The following ZBTB10 variants were observed in gnomAD, a reference collection of about 807,000 sequenced individuals.
ZBTB10 encodes zinc finger and BTB domain containing 10.
A neutral mutation model predicts 76.4 loss-of-function variants in ZBTB10; 32 were observed. The observed-to-expected ratio is 0.42, with a 90% CI of 0.32 to 0.56. The LOEUF (loss-of-function observed/expected upper bound fraction) is 0.56, where lower values mean the gene tolerates loss of function less well. Among genes scored for constraint, ZBTB10 ranks in the 20% least tolerant of loss-of-function variants. ZBTB10 has a pLI of 0.14. For synonymous variants in ZBTB10, 523 were observed against 432.9 expected (o/e 1.21, Z -2.58); for missense variants, 1,057 against 1,098.5 (o/e 0.96, Z 0.53).
At position 80,524,751 on chromosome 8, in the gene ZBTB10, G is replaced by C. The variant is rs1816517068; in HGVS notation, c.*5223G>C. The C allele has an allele frequency of 6.6e-6, 1 of 151,994 alleles. No individual in the cohort carries two copies. Among genetic ancestry groups the C allele is most frequent in the African/African-American group, 2.4e-5 (1 of 41,404 alleles). The allele number at this position is 151,994 out of a possible 1,614,324, so 9.4% of individuals were successfully genotyped here. A position where few individuals can be genotyped will look rare whatever the true frequency, so the allele number is the denominator to read the frequency against. Reference sequence around the variant, plus strand: ...TAAGAAACTTTATATGTTTCTAAGGGGTCATGATTGGGACCATTGGCTCAA... The same window carrying C: ...TAAGAAACTTTATATGTTTCTAAGGCGTCATGATTGGGACCATTGGCTCAA... On this transcript the variant is annotated 3_prime_UTR_variant, in exon 6 of 6. Transcript: ENST00000455036.
At chr8:80,494,494 C>G (rs1313106232) in intron 1 of ZBTB10, among the ~76,000 whole-genome samples, 2 of 152,182 alleles carry the variant, frequency 1.3e-5, no homozygotes, top group Admixed American at 6.5e-5. Context: ...TCCCTCCACC[C>G]TTTACATCTG....
At chr8:80,493,904 A>G (rs1008139963) in intron 1 of ZBTB10, among the ~76,000 whole-genome samples, 1 of 152,230 alleles carries the variant, frequency 6.6e-6, no homozygotes, top group African/African-American at 2.4e-5. Context: ...ATTTCTGGGG[A>G]TAGTACTTAA....
At position 80,524,887 on chromosome 8, in the gene ZBTB10, G is replaced by T. The variant is rs1816526550; in HGVS notation, c.*5359G>T. On this transcript the variant is annotated 3_prime_UTR_variant, in exon 6 of 6. Transcript: ENST00000455036. ...GTGAAAGAGATTACTTAATCATTTTGACAAAGGCAGTATTGACCAGACATT... is the reference window on the plus strand; with the variant it reads ...GTGAAAGAGATTACTTAATCATTTTTACAAAGGCAGTATTGACCAGACATT... 6.6e-6 allele frequency: 1 copy of T among 152,084 alleles called. No individual in the cohort carries two copies. Among genetic ancestry groups the T allele is most frequent in the Non-Finnish European group, 1.5e-5 (1 of 67,970 alleles). The allele number at this position is 152,084 out of a possible 1,614,324, so 9.4% of individuals were successfully genotyped here.
upstream of ZBTB10, chr8:80,485,963 C>G (rs1277652835): frequency 1.2e-5 from 17 of 1,400,478 alleles, no homozygotes; most frequent in East Asian, 4.4e-4. Flanking sequence ...GCCCCGGCCG[C>G]ACACGCCCGC....
At position 80,522,627 on chromosome 8, in the gene ZBTB10, A is replaced by G. The variant is rs1422550336; in HGVS notation, c.*3099A>G. The G allele has an allele frequency of 1.3e-5, 2 of 151,990 alleles. No individual in the cohort carries two copies. The highest frequency in any genetic ancestry group is 4.8e-5 in the African/African-American group (2 of 41,454). The allele number at this position is 151,990 out of a possible 1,614,324, so 9.4% of individuals were successfully genotyped here. ...GCTTTGAAATTGGGGAAAACACACT[A>G]GCTGGGTTAGGTACAGCTATCCTAA... On this transcript the variant is annotated 3_prime_UTR_variant, in exon 6 of 6. Transcript: ENST00000455036.
upstream of ZBTB10, chr8:80,486,109 C>T (rs1299930846): frequency 1.0e-5 from 5 of 482,326 alleles, no homozygotes; most frequent in Admixed American, 4.5e-5. Context: ...CTGGCGCCCC[C>T]ACCCCACCCC....
intron 2 of ZBTB10, among the ~76,000 whole-genome samples, chr8:80,511,622 G>C (rs1248191871): frequency 6.6e-6 from 1 of 152,130 alleles, no homozygotes; most frequent in African/African-American, 2.4e-5. Context: ...TCAGTGGCTA[G>C]GACTAGCACA....
In ZBTB10 at chr8:80,487,341, C is replaced by T. The variant is rs779865315; in HGVS notation, c.531C>T (p.Gly177=). 104 of 1,531,926 alleles carry T rather than the reference C, an allele frequency of 6.8e-5. No homozygotes were observed. The African/African-American group carries it at 1.3e-3, about 19-fold the overall frequency. The allele number at this position is 1,531,926 out of a possible 1,614,324, so 94.9% of individuals were successfully genotyped here. Reference sequence around the variant, plus strand: ...AGGGGAAGGAGTTGATGCAGGACGGCGCGTCCCTGAGCGACAGCACCGAGG... The same window carrying T: ...AGGGGAAGGAGTTGATGCAGGACGGTGCGTCCCTGAGCGACAGCACCGAGG... The part of the protein sequence containing the change: ...ALEGKELMQD[G]ASLSDSTEDE... Residue 177 remains glycine (G), a synonymous_variant, in exon 1 of 6, where the codon GGC becomes GGT. Coordinates refer to ENST00000455036, the MANE Select transcript of ZBTB10 (RefSeq NM_001105539.3).
At chr8:80,506,209 TAG>T (rs1816048301) in intron 2 of ZBTB10, among the ~76,000 whole-genome samples, 1 of 152,158 alleles carries the variant, frequency 6.6e-6, no homozygotes, top group Admixed American at 6.5e-5. Flanking sequence ...GAAATCTTAA[TAG>T]TTCTGAGGAC....
rs1816464344 is a variant in ZBTB10, at chr8:80,522,269, T to C, written c.*2741T>C. ...ATTGGTCTCAGAGGTAACAATGAAATACTCATAATTTTGTCTGTGGAACTC... is the reference window on the plus strand; with the variant it reads ...ATTGGTCTCAGAGGTAACAATGAAACACTCATAATTTTGTCTGTGGAACTC... On this transcript the variant is annotated 3_prime_UTR_variant, in exon 6 of 6. Coordinates refer to ENST00000455036, the MANE Select transcript of ZBTB10 (RefSeq NM_001105539.3). The C allele has an allele frequency of 2.0e-5, 3 of 151,914 alleles. No homozygotes were observed. The highest frequency in any genetic ancestry group is 2.0e-4 in the Admixed American group (3 of 15,228). 9.4% of individuals were successfully genotyped at this position (151,914 alleles called of 1,614,324 possible).
intron 2 of ZBTB10, 144 bp from the exon 3 acceptor site, chr8:80,513,765 GA>G: frequency 1.5e-6 from 1 of 646,746 alleles, no homozygotes; most frequent in Non-Finnish European, 2.7e-6. Context: ...AGGCTTCTGT[GA>G]GCCTTGTAGT....
intron 2 of ZBTB10, among the ~76,000 whole-genome samples, chr8:80,506,400 C>T (rs1168985594): frequency 3.3e-5 from 5 of 152,022 alleles, no homozygotes; most frequent in Admixed American, 6.5e-5. Context: ...ACTGCAACCT[C>T]ACCTCCAGGG....
At chr8:80,492,358 G>GT (rs1815652302) in intron 1 of ZBTB10, among the ~76,000 whole-genome samples, 1 of 152,160 alleles carries the variant, frequency 6.6e-6, no homozygotes, top group Non-Finnish European at 1.5e-5. Flanking sequence ...ATAAAAATCT[G>GT]TATGTTTTGT....
chr8:80,488,715 G>A (rs1318438545), intron 1 of ZBTB10, among the ~76,000 whole-genome samples: 1 of 152,190 alleles, frequency 6.6e-6, no homozygotes, highest in Non-Finnish European at 1.5e-5. Flanking sequence ...GATAATCTGT[G>A]TTCAAGCCAA....
chr8:80,523,995 T>C lies in ZBTB10; in HGVS notation c.*4467T>C, dbSNP rs1297940312. On this transcript the variant is annotated 3_prime_UTR_variant, in exon 6 of 6. Transcript: ENST00000455036. ...CTTCCGGAACTGTTTTGTCTGTGTA[T>C]TTAGAAAATACACAAGAATCTTTAT... 2 of 152,078 alleles carry C rather than the reference T, an allele frequency of 1.3e-5. No individual in the cohort carries two copies. Among genetic ancestry groups the C allele is most frequent in the African/African-American group, 4.8e-5 (2 of 41,458 alleles). 9.4% of individuals were successfully genotyped at this position (152,078 alleles called of 1,614,324 possible). A position where few individuals can be genotyped will look rare whatever the true frequency, so the allele number is the denominator to read the frequency against.
chr8:80,491,367 T>A (rs1815626588), intron 1 of ZBTB10, among the ~76,000 whole-genome samples: 2 of 152,198 alleles, frequency 1.3e-5, no homozygotes, highest in African/African-American at 4.8e-5. Context: ...TAGGTTTGTG[T>A]ACGCTAAGGC....
chr8:80,518,578 T>C lies in ZBTB10; in HGVS notation c.2136T>C (p.Asn712=). Residue 712 remains asparagine, a splice_region_variant and synonymous_variant, in exon 4 of 6, where the codon AAT becomes AAC. Coordinates refer to ENST00000455036, the MANE Select transcript of ZBTB10 (RefSeq NM_001105539.3). ...GGCCAAAACAAGAAACCTGGGAAAA[T>C]GGCAAGTATTAGTCAACTAAACAAA... ...ESWPKQETWE[N]GESSLIMNKL... 1.3e-6 allele frequency: 2 copies of C among 1,548,956 alleles called. No individual in the cohort carries two copies. Among genetic ancestry groups the C allele is most frequent in the African/African-American group, 1.4e-5 (1 of 73,018 alleles).
intron 3 of ZBTB10, 77 bp downstream of exon 3, chr8:80,514,085 TTC>T: frequency 7.6e-7 from 1 of 1,315,170 alleles, no homozygotes; most frequent in Non-Finnish European, 1.1e-6. Flanking sequence ...CTAGTGTAAT[TTC>T]TCTTCCATAA....
intron 3 of ZBTB10, 112 bp from the exon 4 acceptor site, chr8:80,518,291 A>G: frequency 3.8e-6 from 4 of 1,048,474 alleles, no homozygotes; most frequent in Non-Finnish European, 5.3e-6. Context: ...AACTCATACT[A>G]TGAAATTCTA....
Sources: gnomAD v4.1 joint callset for allele counts (sites outside exome capture counted in the v4.1 genomes callset) on GRCh38, gnomAD v4.1.1 for gene constraint, MANE v1.5 for transcripts, NCBI Gene and HGNC (gene_info 2026-07-23, HGNC 2026-07-21) for gene names.